The following PTGER2 variants were observed in gnomAD, a reference collection of about 807,000 sequenced individuals.
PTGER2 encodes prostaglandin E receptor 2.
A neutral mutation model predicts 26.2 loss-of-function variants in PTGER2; 22 were observed. The ratio of observed to expected loss-of-function variants is 0.84; its 90% CI spans 0.60 to 1.20. The LOEUF (loss-of-function observed/expected upper bound fraction) is 1.20. Among genes scored for constraint, PTGER2 ranks in the 50% most tolerant of loss-of-function variants. The pLI is 0.00. For synonymous variants in PTGER2, 219 were observed against 208.9 expected, an observed-to-expected ratio of 1.05 and a Z score of -0.42; for missense variants, 458 against 475.2, an observed-to-expected ratio of 0.96 and a Z score of 0.34.
At position 52,315,092 on chromosome 14, in the gene PTGER2, T is replaced by C; in HGVS notation, c.544T>C (p.Cys182Arg). The change falls in exon 1 of 2, where the codon TGC (cysteine) becomes CGC (arginine). Residue 182 changes from cysteine (C) to arginine (R), a missense_variant. Transcript: ENST00000245457. ...LLDYGQYVQY[C>R]PGTWCFIRHG... ...GGACTATGGGCAGTACGTCCAGTACTGCCCCGGGACCTGGTGCTTCATCCG... is the reference window on the plus strand; with the variant it reads ...GGACTATGGGCAGTACGTCCAGTACCGCCCCGGGACCTGGTGCTTCATCCG... 6.2e-7 allele frequency: 1 copy of C among 1,610,784 alleles called. No individual in the cohort carries two copies. The highest frequency in any genetic ancestry group is 8.5e-7 in the Non-Finnish European group (1 of 1,179,876).
chr14:52,316,123 CTT>C (rs1174552489), intron 1 of PTGER2, among the ~76,000 whole-genome samples: 2 of 152,188 alleles, frequency 1.3e-5, no homozygotes, highest in African/African-American at 4.8e-5. Context: ...AAAACACGCT[CTT>C]AATGTCACTG....
intron 1 of PTGER2, among the ~76,000 whole-genome samples, chr14:52,321,669 A>G (rs1486433349): frequency 6.6e-6 from 1 of 152,246 alleles, no homozygotes; most frequent in African/African-American, 2.4e-5. Context: ...CTGTAATTCT[A>G]TGCAAAGTAA....
intron 1 of PTGER2, among the ~76,000 whole-genome samples, chr14:52,315,761 T>G (rs10138549): frequency 0.027 from 4,107 of 152,296 alleles, 186 homozygotes; most frequent in African/African-American, 0.095. Flanking sequence ...TTAGGATGGC[T>G]GTCACTGTTC....
chr14:52,319,255 G>A (rs1421898959), intron 1 of PTGER2, among the ~76,000 whole-genome samples: 1 of 152,124 alleles, frequency 6.6e-6, no homozygotes, highest in Admixed American at 6.5e-5. Context: ...GCTGAGCCAG[G>A]GCCAACTATG....
Position 52,327,275 on chromosome 14 carries a change from G to C in PTGER2, c.898G>C (p.Ala300Pro). ...CCGAAAGGAAAAATGGGACCTCCAA[G>C]CTCTTAGGTTTTTATCAATTAATTC... ...SSRKEKWDLQ[A>P]LRFLSINSII... Residue 300 changes from alanine (A) to proline (P), a missense_variant, in exon 2 of 2, where the codon GCT (alanine) becomes CCT (proline). Coordinates refer to ENST00000245457, the MANE Select transcript of PTGER2 (RefSeq NM_000956.4). 1 of 1,613,758 alleles carries C rather than the reference G, an allele frequency of 6.2e-7. No homozygotes were observed. The highest frequency in any genetic ancestry group is 8.5e-7 in the Non-Finnish European group (1 of 1,179,786).
rs139726427 is a variant in PTGER2, at chr14:52,314,727, G to T, written c.179G>T (p.Arg60Leu). The change falls in exon 1 of 2, where the codon CGC becomes CTC. Residue 60 changes from arginine (R) to leucine (L), a missense_variant. By Grantham distance (102) the Arg-to-Leu change is moderately radical (BLOSUM62 -2). Transcript: ENST00000245457. This position sits in a 1 kb window ranked among gnomAD's most constrained non-coding sequence, Gnocchi z 5.7. ...WRGDVGCSAGRRSSLSLFHVL... is the reference protein window; with the variant it reads ...WRGDVGCSAGLRSSLSLFHVL... ...GGGGACGTGGGGTGCAGCGCCGGCC[G>T]CAGGAGCTCCCTCTCCTTGTTCCAC... 2.5e-6 allele frequency: 4 copies of T among 1,584,760 alleles called. No homozygotes were observed. The highest frequency in any genetic ancestry group is 1.7e-4 in the Middle Eastern group (1 of 5,982).
intron 1 of PTGER2, among the ~76,000 whole-genome samples, chr14:52,319,993 G>T (rs557826232): frequency 7.9e-5 from 12 of 152,258 alleles, no homozygotes; most frequent in African/African-American, 2.4e-4. Flanking sequence ...ATGAATGGGG[G>T]TTGAAAAGCT....
rs1368615524 is a variant in PTGER2 at position 52,327,221 on chromosome 14, A to T, written c.844A>T (p.Ile282Phe). 9 of 1,582,782 alleles carry T rather than the reference A, an allele frequency of 5.7e-6. No individual in the cohort carries two copies. Among genetic ancestry groups the T allele is most frequent in the Middle Eastern group, 1.7e-4 (1 of 6,018 alleles). ...TFAVCSLPFT[I>F]FAYMNETSSR... is the part of the protein sequence containing the mutation. ...CATTTTTCCCCTTTGCTTCTTACAG[A>T]TTTTTGCATATATGAATGAAACCTC... Residue 282 changes from isoleucine to phenylalanine, a missense_variant and splice_region_variant, in exon 2 of 2, where the codon ATT becomes TTT. Physicochemically the swap from Ile to Phe is conservative, Grantham distance 21. Coordinates refer to ENST00000245457, the MANE Select transcript of PTGER2 (RefSeq NM_000956.4).
chr14:52,321,618 A>G (rs2033896371), intron 1 of PTGER2, among the ~76,000 whole-genome samples: 1 of 152,230 alleles, frequency 6.6e-6, no homozygotes, highest in African/African-American at 2.4e-5. Flanking sequence ...TTGGTGTCCC[A>G]TGGATTCAGT....
rs909302853 is a variant in PTGER2, at chr14:52,327,316, G to C, written c.939G>C (p.Trp313Cys). The C allele has an allele frequency of 6.2e-7, 1 of 1,613,164 alleles. No individual in the cohort carries two copies. The highest frequency in any genetic ancestry group is 1.1e-5 in the South Asian group (1 of 91,058). Residue 313 changes from tryptophan (W) to cysteine (C), a missense_variant, in exon 2 of 2, where the codon TGG becomes TGC. By Grantham distance (215) the Trp-to-Cys change is radical. Transcript: ENST00000245457. ...FLSINSIIDPWVFAILRPPVL... is the reference protein window; with the variant it reads ...FLSINSIIDPCVFAILRPPVL... ...CAATTAATTCAATAATTGACCCTTG[G>C]GTCTTTGCCATCCTTAGGCCTCCTG...
In PTGER2 at chr14:52,314,319, G is replaced by A. The variant is rs2033807202; in HGVS notation, c.-230G>A. 1 of 372,196 alleles carries A rather than the reference G, an allele frequency of 2.7e-6. No individual in the cohort carries two copies. The highest frequency in any genetic ancestry group is 2.1e-5 in the African/African-American group (1 of 47,614). The allele number at this position is 372,196 out of a possible 1,614,324, so 23.1% of individuals were successfully genotyped here. A position where few individuals can be genotyped will look rare whatever the true frequency, so the allele number is the denominator to read the frequency against. The stretch of plus-strand genomic sequence containing the variant: ...CTCCCGGCCTTGGCCGGCGCGGGTA[G>A]GCGCGGGAGCCTCGAGCGCCGCTCG... On this transcript the variant is annotated 5_prime_UTR_variant, in exon 1 of 2. Coordinates refer to ENST00000245457, the MANE Select transcript of PTGER2 (RefSeq NM_000956.4). The surrounding 1 kb of genome is among the most constrained non-coding windows in gnomAD (Gnocchi z 5.7).
Position 52,314,561 on chromosome 14 carries a change from T to A in PTGER2, c.13T>A (p.Ser5Thr). The A allele has an allele frequency of 6.7e-7, 1 of 1,496,642 alleles. No homozygotes were observed. The highest frequency in any genetic ancestry group is 8.9e-7 in the Non-Finnish European group (1 of 1,123,714). The allele number at this position is 1,496,642 out of a possible 1,614,324, so 92.7% of individuals were successfully genotyped here. ...CAGGCACCCCACCATGGGCAATGCC[T>A]CCAATGACTCCCAGTCTGAGGACTG... MGNA[S>T]NDSQSEDCET... Residue 5 changes from serine (S) to threonine (T), a missense_variant, in exon 1 of 2, where the codon TCC becomes ACC. Ser to Thr is a moderately conservative substitution (Grantham distance 58). Transcript: ENST00000245457. The surrounding 1 kb of genome is among the most constrained non-coding windows in gnomAD (Gnocchi z 5.7).
chr14:52,315,534 C>A, intron 1 of PTGER2, 143 bp downstream of exon 1: 1 of 1,179,958 alleles, frequency 8.5e-7, no homozygotes, highest in Non-Finnish European at 1.2e-6. Flanking sequence ...CTGTAGCCTT[C>A]CCCACTAGTT....
At position 52,325,778 on chromosome 14, in the gene PTGER2, C is replaced by T. The variant is rs570566569; in HGVS notation, c.844-1443C>T. Among the ~76,000 whole-genome samples the T allele has an allele frequency of 2.6e-4, 39 of 152,332 alleles. 1 individual carries two copies. The highest frequency in any genetic ancestry group is 1.2e-3 in the Admixed American group (19 of 15,306). On this transcript the variant is annotated intron_variant, in intron 1 of 1. Transcript: ENST00000245457. ...CTCCATTCCCTATGCCAAGATTCTC[C>T]GGCATAAACACCTATGGCTGCCAAA...
In PTGER2 at chr14:52,314,570, T is replaced by C; in HGVS notation, c.22T>C (p.Ser8Pro). ...CACCATGGGCAATGCCTCCAATGAC[T>C]CCCAGTCTGAGGACTGCGAGACGCG... Reference protein sequence around the residue: MGNASNDSQSEDCETRQW... With the variant: MGNASNDPQSEDCETRQW... Residue 8 changes from serine (S) to proline (P), a missense_variant, in exon 1 of 2, where the codon TCC becomes CCC. By Grantham distance (74) the Ser-to-Pro change is moderately conservative. Transcript: ENST00000245457. The surrounding 1 kb of genome is among the most constrained non-coding windows in gnomAD (Gnocchi z 5.7). 1 of 1,506,174 alleles carries C rather than the reference T, an allele frequency of 6.6e-7. No individual in the cohort carries two copies. Among genetic ancestry groups the C allele is most frequent in the Non-Finnish European group, 8.9e-7 (1 of 1,127,428 alleles). The allele number at this position is 1,506,174 out of a possible 1,614,324, so 93.3% of individuals were successfully genotyped here.
At chr14:52,319,889 A>G (rs1165370096) in intron 1 of PTGER2, among the ~76,000 whole-genome samples, 1 of 152,234 alleles carries the variant, frequency 6.6e-6, no homozygotes, top group Non-Finnish European at 1.5e-5. Context: ...AAATCTGATT[A>G]GTGGAAATCT....
Position 52,327,949 on chromosome 14 carries a change from T to C in PTGER2, c.*495T>C, listed in dbSNP as rs576157800. ...CTTAGCGAACCCTTTATTTGAACAA[T>C]GAAGTTGAAAATCATAGGCACCTTT... On this transcript the variant is annotated 3_prime_UTR_variant, in exon 2 of 2. Transcript: ENST00000245457. 37 of 154,654 alleles carry C rather than the reference T, an allele frequency of 2.4e-4. No homozygotes were observed. The highest frequency in any genetic ancestry group is 4.2e-4 in the Non-Finnish European group (29 of 69,384). The allele number at this position is 154,654 out of a possible 1,614,324, so 9.6% of individuals were successfully genotyped here.
intron 1 of PTGER2, among the ~76,000 whole-genome samples, chr14:52,322,807 A>G (rs1239830261): frequency 6.6e-6 from 1 of 152,114 alleles, no homozygotes; most frequent in African/African-American, 2.4e-5. Flanking sequence ...ATGTCAGTTT[A>G]TAGGCTCTCT....
In PTGER2 at chr14:52,328,262, G is replaced by A. The variant is rs1423539068; in HGVS notation, c.*808G>A. ...GAGGATGTACGTGGCCATGTATGAA[G>A]CCAAATATTAGGCTTAAAAACTGAA... On this transcript the variant is annotated 3_prime_UTR_variant, in exon 2 of 2. Coordinates refer to ENST00000245457, the MANE Select transcript of PTGER2 (RefSeq NM_000956.4). 1 of 152,600 alleles carries A rather than the reference G, an allele frequency of 6.6e-6. No homozygotes were observed. Among genetic ancestry groups the A allele is most frequent in the Admixed American group, 6.5e-5 (1 of 15,280 alleles). The allele number at this position is 152,600 out of a possible 1,614,324, so 9.5% of individuals were successfully genotyped here.
Sources: allele counts gnomAD v4.1 joint callset (sites outside exome capture counted in the v4.1 genomes callset), GRCh38; gene constraint gnomAD v4.1.1; non-coding constraint Gnocchi (gnomAD v3.1); transcripts MANE v1.5; gene names NCBI Gene and HGNC (gene_info 2026-07-23, HGNC 2026-07-21).